The following TOX variants were observed in gnomAD, a reference collection of about 807,000 sequenced individuals.
TOX encodes the protein thymocyte selection associated high mobility group box, also known as thymocyte selection-associated high mobility group box protein TOX.
A neutral mutation model predicts 53.7 loss-of-function variants in TOX; 11 were observed. That is an observed-to-expected ratio of 0.20 (90% CI 0.13 to 0.34). The LOEUF is 0.34. Ranked by LOEUF, TOX falls within the 10% of genes least tolerant of loss-of-function variation. TOX has a pLI of 1.00. For missense variants in TOX, 570 were observed against 664.6 expected (o/e 0.86, Z 1.56); for synonymous variants, 225 against 245.3 (o/e 0.92, Z 0.77).
At chr8:58,964,653 CAT>C (rs767596398) in intron 1 of TOX, among the ~76,000 whole-genome samples, 2 of 152,206 alleles carry the variant, frequency 1.3e-5, no homozygotes, top group Non-Finnish European at 2.9e-5. Flanking sequence ...CAGAATCTCT[CAT>C]GTCATGATTG....
chr8:58,882,117 G>A (rs755025013), intron 3 of TOX, among the ~76,000 whole-genome samples: 3 of 152,206 alleles, frequency 2.0e-5, no homozygotes, highest in Non-Finnish European at 4.4e-5. Context: ...GGAAACTGCA[G>A]TGCATGTCTG....
At chr8:58,883,266 A>C (rs1811412367) in intron 3 of TOX, among the ~76,000 whole-genome samples, 1 of 152,216 alleles carries the variant, frequency 6.6e-6, no homozygotes, top group Admixed American at 6.5e-5. Context: ...CTCAGACAGG[A>C]GGTCTTGCCT....
At chr8:58,957,854 G>A (rs950485790) in intron 2 of TOX, among the ~76,000 whole-genome samples, 1 of 152,070 alleles carries the variant, frequency 6.6e-6, no homozygotes, top group Non-Finnish European at 1.5e-5. Context: ...ATTTATGGTT[G>A]CCTAAAGGGG....
intron 2 of TOX, among the ~76,000 whole-genome samples, chr8:58,942,777 T>C (rs1045758231): frequency 1.4e-4 from 21 of 152,214 alleles, no homozygotes; most frequent in African/African-American, 5.1e-4. Context: ...TAGAATATGA[T>C]TCAATATTTT....
chr8:59,043,430 A>C (rs940786346), intron 1 of TOX, among the ~76,000 whole-genome samples: 2 of 151,606 alleles, frequency 1.3e-5, no homozygotes, highest in African/African-American at 4.8e-5. Context: ...GAATATTTTC[A>C]AAATAAATTA....
intron 1 of TOX, among the ~76,000 whole-genome samples, chr8:58,983,558 C>T (rs115165070): frequency 4.9e-4 from 75 of 152,302 alleles, no homozygotes; most frequent in African/African-American, 1.6e-3. Flanking sequence ...TACACATCTA[C>T]GATGGTTGTT....
At chr8:59,017,739 AT>A (rs1159224088) in intron 1 of TOX, among the ~76,000 whole-genome samples, 1 of 152,218 alleles carries the variant, frequency 6.6e-6, no homozygotes, top group East Asian at 1.9e-4. Context: ...TGAGTATTAT[AT>A]TACAAACTCG....
At chr8:58,865,334 C>A (rs763405829) in intron 3 of TOX, among the ~76,000 whole-genome samples, 6 of 151,988 alleles carry the variant, frequency 3.9e-5, no homozygotes, top group African/African-American at 4.8e-5. Context: ...AATATTCATG[C>A]CAACAATCAG....
In TOX at chr8:59,046,858, C is replaced by CA. The variant is rs34869193; in HGVS notation, c.102+72027dup. Among the ~76,000 whole-genome samples the CA allele has an allele frequency of 2.5e-3, 191 of 77,862 alleles. 4 individuals carry two copies. The highest frequency in any genetic ancestry group is 3.6e-3 in the South Asian group (7 of 1,940). The allele number at this position is 77,862 out of a possible 152,430, so 51.1% of individuals were successfully genotyped here. ...TGGGAGACAGAGTGAGACTATGTCT[C>CA]AAAAAAAAAAAAAAAAAAAAAAAAA... On this transcript the variant is annotated intron_variant, in intron 1 of 8. Coordinates refer to ENST00000361421, the MANE Select transcript of TOX (RefSeq NM_014729.3).
intron 1 of TOX, among the ~76,000 whole-genome samples, chr8:59,046,675 T>G (rs1238617508): frequency 6.6e-6 from 1 of 151,702 alleles, no homozygotes; most frequent in Non-Finnish European, 1.5e-5. Flanking sequence ...CTGGCCAACA[T>G]GGTGAAACTC....
intron 2 of TOX, among the ~76,000 whole-genome samples, chr8:58,946,613 T>G (rs1298993699): frequency 6.6e-6 from 1 of 152,222 alleles, no homozygotes; most frequent in African/African-American, 2.4e-5. Flanking sequence ...CAATAAATCA[T>G]CTTCATTTAA....
chr8:58,832,532 C>T (rs1256299686), intron 5 of TOX, among the ~76,000 whole-genome samples: 2 of 152,096 alleles, frequency 1.3e-5, no homozygotes, highest in East Asian at 3.8e-4. Flanking sequence ...ACCCCAACAG[C>T]ATTATGTAGT....
rs118189424 is a variant in TOX, at chr8:59,001,915, A to G, written c.103-41907T>C. 2.3e-3 allele frequency among the ~76,000 whole-genome samples: 353 copies of G among 152,150 alleles called. 1 individual carries two copies. Among genetic ancestry groups the G allele is most frequent in the Non-Finnish European group, 3.7e-3 (254 of 68,002 alleles). On this transcript the variant is annotated intron_variant, in intron 1 of 8. Transcript: ENST00000361421. ...TGTGACATCTTTCCCTTTATCAGTA[A>G]AAGTATCTCTCTATTGTCAAGGAGA...
At chr8:58,875,048 C>T (rs1811261530) in intron 3 of TOX, among the ~76,000 whole-genome samples, 1 of 152,298 alleles carries the variant, frequency 6.6e-6, no homozygotes, top group Non-Finnish European at 1.5e-5. Flanking sequence ...TCCTGCATTT[C>T]CCTTGTTCTA....
chr8:59,071,791 C>A (rs1804201666), intron 1 of TOX, among the ~76,000 whole-genome samples: 1 of 152,128 alleles, frequency 6.6e-6, no homozygotes, highest in African/African-American at 2.4e-5. Flanking sequence ...CATCGAGTAG[C>A]TCAAATAATT....
chr8:58,913,774 G>GTTTTA (rs373120424), intron 3 of TOX, among the ~76,000 whole-genome samples: 2 of 151,802 alleles, frequency 1.3e-5, no homozygotes, highest in African/African-American at 2.4e-5. Flanking sequence ...AAAGCTCTAT[G>GTTTTA]TAAAAGTCTA....
intron 4 of TOX, among the ~76,000 whole-genome samples, chr8:58,850,155 C>G (rs1461818947): frequency 6.6e-6 from 1 of 151,904 alleles, no homozygotes; most frequent in Non-Finnish European, 1.5e-5. Flanking sequence ...TTGGCTTGGG[C>G]AGTGTTAGAT....
chr8:59,042,594 T>C (rs1803611323), intron 1 of TOX, among the ~76,000 whole-genome samples: 1 of 152,216 alleles, frequency 6.6e-6, no homozygotes, highest in Non-Finnish European at 1.5e-5. Context: ...GTCAAGTCCA[T>C]ACACCTAGTT....
At chr8:59,030,657 T>C (rs1244008559) in intron 1 of TOX, among the ~76,000 whole-genome samples, 1 of 152,178 alleles carries the variant, frequency 6.6e-6, no homozygotes, top group Non-Finnish European at 1.5e-5. Context: ...CTTGGTAACA[T>C]CTAGGTTACT....
Sources: allele counts gnomAD v4.1 joint callset (sites outside exome capture counted in the v4.1 genomes callset), GRCh38; gene constraint gnomAD v4.1.1; transcripts MANE v1.5; gene names NCBI Gene and HGNC (gene_info 2026-07-23, HGNC 2026-07-21).